The following GLRX3 variants were observed in gnomAD, a reference collection of about 807,000 sequenced individuals.
The protein encoded by GLRX3 is glutaredoxin 3.
In GLRX3, 22 loss-of-function variants were observed where a neutral mutation model predicts 49.5. The ratio of observed to expected loss-of-function variants is 0.44; its 90% CI spans 0.32 to 0.63. The LOEUF (loss-of-function observed/expected upper bound fraction) is 0.63, where lower values mean the gene tolerates loss of function less well. Ranked by LOEUF, GLRX3 falls within the 30% of genes least tolerant of loss-of-function variation. GLRX3 has a pLI of 0.05. For synonymous variants in GLRX3, 133 were observed against 140.0 expected (o/e 0.95, Z 0.35); for missense variants, 385 against 396.3 (o/e 0.97, Z 0.24).
rs529625580 is a variant in GLRX3 at position 130,156,655 on chromosome 10, G to A, written c.202-3340G>A. On this transcript the variant is annotated intron_variant, in intron 2 of 10. Coordinates refer to ENST00000331244, the MANE Select transcript of GLRX3 (RefSeq NM_006541.5). ...CCAGAATAAATTGTAGCTATTCGCCGTTACTGTCACAGTGGCATCCGATGA... is the reference window on the plus strand; with the variant it reads ...CCAGAATAAATTGTAGCTATTCGCCATTACTGTCACAGTGGCATCCGATGA... Among the ~76,000 whole-genome samples the A allele has an allele frequency of 1.8e-4, 28 of 152,324 alleles. No individual in the cohort carries two copies. In the South Asian group the frequency reaches 2.9e-3, roughly 16 times the overall value.
intron 8 of GLRX3, among the ~76,000 whole-genome samples, chr10:130,172,527 T>A (rs1016375): frequency 0.068 from 10,406 of 152,328 alleles, 472 homozygotes; most frequent in South Asian, 0.15. Context: ...TTGTATCTTT[T>A]AAAAATCATG....
intron 4 of GLRX3, among the ~76,000 whole-genome samples, chr10:130,161,445 A>T (rs183075339): frequency 6.6e-6 from 1 of 152,006 alleles, no homozygotes; most frequent in Non-Finnish European, 1.5e-5. Flanking sequence ...AATTTGCGGA[A>T]TTTTTCAGTG....
chr10:130,178,922 T>A (rs1033010196), intron 10 of GLRX3, among the ~76,000 whole-genome samples: 1 of 152,166 alleles, frequency 6.6e-6, no homozygotes, highest in Admixed American at 6.5e-5. Context: ...CAGGCTGTTC[T>A]GCAACTCCTG....
chr10:130,149,208 T>C (rs1327010805), intron 2 of GLRX3, among the ~76,000 whole-genome samples: 1 of 152,096 alleles, frequency 6.6e-6, no homozygotes, highest in Non-Finnish European at 1.5e-5. Context: ...CCAGAGGAGA[T>C]GATGTGGTAT....
intron 1 of GLRX3, among the ~76,000 whole-genome samples, chr10:130,138,436 G>A (rs1240345409): frequency 6.6e-6 from 1 of 152,226 alleles, no homozygotes; most frequent in Non-Finnish European, 1.5e-5. Context: ...TTGCAATGGA[G>A]AGTGCAGGTG....
chr10:130,175,231 A>C (rs1590075019), intron 10 of GLRX3, 142 bp downstream of exon 10: 3 of 651,660 alleles, frequency 4.6e-6, no homozygotes, highest in Admixed American at 2.4e-5. Flanking sequence ...GACCAGTATC[A>C]CCGTTTCTGT....
intron 4 of GLRX3, among the ~76,000 whole-genome samples, chr10:130,163,803 G>C (rs962568590): frequency 1.3e-5 from 2 of 152,176 alleles, no homozygotes; most frequent in Non-Finnish European, 2.9e-5. Context: ...TGGCATTTTA[G>C]AGAAGGGCGT....
rs57482969 is a variant in GLRX3, at chr10:130,148,433, C to CTTTT, written c.201+3138_201+3141dup. Among the ~76,000 whole-genome samples the CTTTT allele has an allele frequency of 3.6e-3, 252 of 70,566 alleles. 20 individuals carry two copies. Among genetic ancestry groups the CTTTT allele is most frequent in the East Asian group, 0.015 (21 of 1,416 alleles). 46.3% of individuals were successfully genotyped at this position (70,566 alleles called of 152,430 possible). ...GATGTGAGCCACTTTGCCCTTCAGT[C>CTTTT]TTTTTTTTTTTTTTTTTTTTTTTTT... On this transcript the variant is annotated intron_variant, in intron 2 of 10. Transcript: ENST00000331244.
At chr10:130,145,686 A>G (rs575179328) in intron 2 of GLRX3, among the ~76,000 whole-genome samples, 19 of 152,282 alleles carry the variant, frequency 1.2e-4, no homozygotes, top group African/African-American at 3.6e-4. Flanking sequence ...AATAAAATAA[A>G]AAATTAGATT....
At chr10:130,139,044 T>A (rs1656584056) in intron 1 of GLRX3, among the ~76,000 whole-genome samples, 1 of 151,702 alleles carries the variant, frequency 6.6e-6, no homozygotes, top group African/African-American at 2.4e-5. Flanking sequence ...GCATTTTTAG[T>A]AGAGATGGGT....
At chr10:130,176,987 CAG>C (rs960425342) in intron 10 of GLRX3, among the ~76,000 whole-genome samples, 3 of 151,998 alleles carry the variant, frequency 2.0e-5, no homozygotes, top group Admixed American at 2.0e-4. Context: ...AGTTATATAA[CAG>C]AGTGTTATAT....
chr10:130,145,798 A>G (rs1862260515), intron 2 of GLRX3, among the ~76,000 whole-genome samples: 1 of 151,692 alleles, frequency 6.6e-6, no homozygotes, highest in South Asian at 2.1e-4. Flanking sequence ...TCTTAAAATA[A>G]TTTTGCATTT....
At chr10:130,158,574 G>A (rs1486800961) in intron 2 of GLRX3, among the ~76,000 whole-genome samples, 1 of 152,128 alleles carries the variant, frequency 6.6e-6, no homozygotes, top group South Asian at 2.1e-4. Context: ...TGCCCAGTGC[G>A]TAGTGGGCAC....
chr10:130,175,951 G>A (rs1453962561), intron 10 of GLRX3, among the ~76,000 whole-genome samples: 2 of 152,186 alleles, frequency 1.3e-5, no homozygotes, highest in Non-Finnish European at 2.9e-5. Context: ...GGTCTGCTCA[G>A]GGGCATGAAC....
chr10:130,170,933 C>G (rs968533633), intron 7 of GLRX3, among the ~76,000 whole-genome samples: 13 of 152,016 alleles, frequency 8.6e-5, no homozygotes, highest in Non-Finnish European at 1.8e-4. Context: ...TCGAGACCAT[C>G]CTGGCTAACA....
intron 2 of GLRX3, among the ~76,000 whole-genome samples, chr10:130,157,601 T>C (rs1172377971): frequency 1.4e-5 from 2 of 142,298 alleles, no homozygotes; most frequent in African/African-American, 5.3e-5. Context: ...CTCACAGCCA[T>C]GCCCAGGAGT....
chr10:130,142,750 T>C (rs1459197985), intron 1 of GLRX3, among the ~76,000 whole-genome samples: 2 of 152,194 alleles, frequency 1.3e-5, no homozygotes, highest in Non-Finnish European at 1.5e-5. Flanking sequence ...TCACTCCCTC[T>C]TGACACTCTT....
intron 3 of GLRX3, 71 bp from the exon 4 acceptor site, chr10:130,160,725 T>TA: frequency 2.2e-6 from 2 of 900,536 alleles, no homozygotes; most frequent in Non-Finnish European, 3.7e-6. Context: ...TTGTCCCCTT[T>TA]AAAAATCTGC....
At chr10:130,139,930 A>G (rs1334120562) in intron 1 of GLRX3, among the ~76,000 whole-genome samples, 1 of 152,232 alleles carries the variant, frequency 6.6e-6, no homozygotes, top group Non-Finnish European at 1.5e-5. Context: ...CCCTGTCTCA[A>G]AAAACAAAAA....
Sources: gnomAD v4.1 joint callset for allele counts (sites outside exome capture counted in the v4.1 genomes callset) on GRCh38, gnomAD v4.1.1 for gene constraint, MANE v1.5 for transcripts, NCBI Gene and HGNC (gene_info 2026-07-23, HGNC 2026-07-21) for gene names.